The following BRD1 variants were observed in gnomAD, a reference collection of about 807,000 sequenced individuals.
The protein encoded by BRD1 is bromodomain containing 1.
BRD1 carries 24 observed loss-of-function variants against 107.7 expected under a neutral mutation model. The observed-to-expected ratio is 0.22, with a 90% CI of 0.16 to 0.31. BRD1 has a LOEUF of 0.31. BRD1 is among the 10% of genes least tolerant of loss of function. The pLI is 1.00. For synonymous variants in BRD1, 744 were observed against 686.1 expected, an observed-to-expected ratio of 1.08 and a Z score of -1.32; for missense variants, 1,279 against 1,638.6, an observed-to-expected ratio of 0.78 and a Z score of 3.79.
Position 49,823,196 on chromosome 22 carries a change from G to A in BRD1, c.1122C>T (p.Gly374=). ...CGGTCTTTCTGACGGAGAAGGTGGT[G>A]CCACCGCCAGTCAGTTCCTTCACGG... ...MEPVKELTGG[G]TTFSVRKTAY... The change falls in exon 2 of 13, where the codon GGC becomes GGT. Residue 374 remains glycine, a synonymous_variant. Coordinates refer to ENST00000404760, the MANE Select transcript of BRD1 (RefSeq NM_001304808.3). 2 of 1,614,184 alleles carry A rather than the reference G, an allele frequency of 1.2e-6. No homozygotes were observed. The highest frequency in any genetic ancestry group is 8.5e-7 in the Non-Finnish European group (1 of 1,180,036).
chr22:49,780,046 G>C (rs1201290898), intron 8 of BRD1, among the ~76,000 whole-genome samples: 1 of 152,220 alleles, frequency 6.6e-6, no homozygotes, highest in Non-Finnish European at 1.5e-5. Context: ...GGGTGGGGAG[G>C]CTTTTAGTAG....
At chr22:49,775,828 TC>T in intron 11 of BRD1, 83 bp from the exon 12 acceptor site, 1 of 728,868 alleles carries the variant, frequency 1.4e-6, no homozygotes, top group Non-Finnish European at 1.8e-6. Flanking sequence ...CCCCCCCGCC[TC>T]CCCACCCCAG....
rs78921765 is a variant in BRD1 at position 49,794,067 on chromosome 22, C to T, written c.2326G>A (p.Gly776Arg). 3,131 of 1,614,054 alleles carry T rather than the reference C, an allele frequency of 1.9e-3. 71 individuals are homozygous for T. In the African/African-American group the frequency reaches 0.039, roughly 20 times the overall value. The change falls in exon 7 of 13, where the codon GGA becomes AGA. Residue 776 changes from glycine to arginine, a missense_variant. Transcript: ENST00000404760. Reference sequence around the variant, plus strand: ...CCCGCCTCCGGCCCCAGCGCAGCTCCGTCCTCTTCGAAGCCTTCCAAGCCT... The same window carrying T: ...CCCGCCTCCGGCCCCAGCGCAGCTCTGTCCTCTTCGAAGCCTTCCAAGCCT... The part of the protein sequence containing the change: ...GPGLEGFEED[G>R]AALGPEAGEE...
Position 49,774,232 on chromosome 22 carries a change from G to T in BRD1, c.*1C>A. 6.2e-7 allele frequency: 1 copy of T among 1,611,674 alleles called. No homozygotes were observed. Among genetic ancestry groups the T allele is most frequent in the Non-Finnish European group, 8.5e-7 (1 of 1,178,454 alleles). ...CAAGACCCGCGCTGGCGGCCGGGCC[G>T]TCAGTCAATGTCACTGAGGTCGCTG... On this transcript the variant is annotated 3_prime_UTR_variant, in exon 13 of 13. Coordinates refer to ENST00000404760, the MANE Select transcript of BRD1 (RefSeq NM_001304808.3).
intron 8 of BRD1, among the ~76,000 whole-genome samples, chr22:49,782,669 C>T (rs145382272): frequency 0.019 from 2,834 of 149,256 alleles, 77 homozygotes; most frequent in African/African-American, 0.066. Context: ...CACTCCGCGA[C>T]AATGCAGCTG....
chr22:49,818,002 A>C (rs969983051), intron 2 of BRD1, among the ~76,000 whole-genome samples: 2 of 152,202 alleles, frequency 1.3e-5, no homozygotes, highest in Non-Finnish European at 2.9e-5. Flanking sequence ...AGTCACTCTA[A>C]TTTAAATGCA....
chr22:49,818,157 G>C, intron 2 of BRD1: 1 of 990,522 alleles, frequency 1.0e-6, no homozygotes, highest in Non-Finnish European at 1.2e-6. Context: ...ACCCTATCAG[G>C]GTGAAGGCGG....
At chr22:49,819,015 T>C (rs1448515081) in intron 2 of BRD1, among the ~76,000 whole-genome samples, 1 of 152,066 alleles carries the variant, frequency 6.6e-6, no homozygotes, top group Non-Finnish European at 1.5e-5. Flanking sequence ...CTCAGCACTC[T>C]GGGAGGCCAA....
chr22:49,776,286 C>A (rs571434728), intron 10 of BRD1, 127 bp from the exon 11 acceptor site: 2 of 771,046 alleles, frequency 2.6e-6, no homozygotes, highest in Non-Finnish European at 4.3e-6. Context: ...CCTTTCTCAG[C>A]CACCCCGGCA....
chr22:49,801,599 C>T (rs549177444), intron 3 of BRD1, among the ~76,000 whole-genome samples: 6 of 152,370 alleles, frequency 3.9e-5, no homozygotes, highest in Admixed American at 1.3e-4. Flanking sequence ...TGCTCTGCTG[C>T]GGCTCAAGTC....
chr22:49,827,273 C>G (rs1020616886), intron 1 of BRD1, among the ~76,000 whole-genome samples: 5 of 148,714 alleles, frequency 3.4e-5, no homozygotes, highest in African/African-American at 4.9e-5. Flanking sequence ...TCTTCCCGCC[C>G]GTCTCCCCGG....
intron 11 of BRD1, 36 bp from the exon 12 acceptor site, chr22:49,775,781 C>G (rs772105768): frequency 6.4e-7 from 1 of 1,570,220 alleles, no homozygotes; most frequent in South Asian, 1.1e-5. Context: ...CATTGTGAGG[C>G]TCACACCCAT....
intron 8 of BRD1, among the ~76,000 whole-genome samples, chr22:49,784,272 T>A: frequency 7.1e-6 from 1 of 140,778 alleles, no homozygotes; most frequent in Middle Eastern, 4.7e-3. Flanking sequence ...ACAGGGAGAC[T>A]CGCGGCAGGG....
In BRD1 at chr22:49,787,412, G is replaced by T; in HGVS notation, c.2835C>A (p.Ser945=). Residue 945 remains serine (S), a synonymous_variant, in exon 8 of 13, where the codon TCC becomes TCA. Coordinates refer to ENST00000404760, the MANE Select transcript of BRD1 (RefSeq NM_001304808.3). ...TACCTGCGTCCAGGCGCTTTCCTGG[G>T]GACTCCTCCTCCACCTCGGAGTCTC... ...TCGDSEVEEE[S]PGKRLDAGLT... The T allele has an allele frequency of 6.2e-7, 1 of 1,613,624 alleles. No individual in the cohort carries two copies. The highest frequency in any genetic ancestry group is 8.5e-7 in the Non-Finnish European group (1 of 1,179,852).
At chr22:49,791,587 CTAT>C (rs1313150643) in intron 7 of BRD1, among the ~76,000 whole-genome samples, 2 of 152,282 alleles carry the variant, frequency 1.3e-5, no homozygotes, top group East Asian at 3.9e-4. Flanking sequence ...GGTTTTCATC[CTAT>C]TATAAGTATC....
Position 49,783,983 on chromosome 22 carries a change from G to A in BRD1, c.2857+3407C>T, listed in dbSNP as rs965205414. Among the ~76,000 whole-genome samples the A allele has an allele frequency of 6.6e-6, 1 of 152,196 alleles. No individual in the cohort carries two copies. Among genetic ancestry groups the A allele is most frequent in the Non-Finnish European group, 1.5e-5 (1 of 68,034 alleles). Reference sequence around the variant, plus strand: ...CATTAGTGGTTAAAGTGAGAACCTGGAAAACAGTGAAAAAGCCATTTAGTC... The same window carrying A: ...CATTAGTGGTTAAAGTGAGAACCTGAAAAACAGTGAAAAAGCCATTTAGTC... On this transcript the variant is annotated intron_variant, in intron 8 of 12. Transcript: ENST00000404760. This position sits in a 1 kb window ranked among gnomAD's most constrained non-coding sequence, Gnocchi z 4.2.
At chr22:49,776,671 G>A (rs1005916965) in intron 10 of BRD1, among the ~76,000 whole-genome samples, 1 of 152,172 alleles carries the variant, frequency 6.6e-6, no homozygotes, top group African/African-American at 2.4e-5. Context: ...CCCTCCCCCA[G>A]GGGCCTGAAG....
Position 49,823,497 on chromosome 22 carries a change from C to G in BRD1, c.821G>C (p.Cys274Ser). The G allele has an allele frequency of 6.2e-7, 1 of 1,606,286 alleles. No homozygotes were observed. The highest frequency in any genetic ancestry group is 8.5e-7 in the Non-Finnish European group (1 of 1,177,230). ...SRARPADCVL[C>S]PNKGGAFKKT... The stretch of plus-strand genomic sequence containing the variant: ...TTTGAAGGCACCACCCTTGTTGGGG[C>G]ACAGCACACAGTCGGCGGGCCGGGC... Residue 274 changes from cysteine (C) to serine (S), a missense_variant, in exon 2 of 13, where the codon TGC becomes TCC. Cys to Ser is a moderately radical substitution (Grantham distance 112). This residue lies in a region of BRD1 where 158 missense variants were observed against 310.2 expected (regional missense o/e 0.51). Coordinates refer to ENST00000404760, the MANE Select transcript of BRD1 (RefSeq NM_001304808.3).
Position 49,803,684 on chromosome 22 carries a change from C to T in BRD1, c.1524+520G>A, listed in dbSNP as rs762981534. On this transcript the variant is annotated intron_variant, in intron 3 of 12. Transcript: ENST00000404760. This position sits in a 1 kb window ranked among gnomAD's most constrained non-coding sequence, Gnocchi z 4.4. The stretch of plus-strand genomic sequence containing the variant: ...TTCCCTCCCACTCTCTCAGCTCTCT[C>T]GAGCCCTCCCCACCCCACCACAGTC... Among the ~76,000 whole-genome samples, 1 of 152,152 alleles carries T rather than the reference C, an allele frequency of 6.6e-6. No homozygotes were observed. Among genetic ancestry groups the T allele is most frequent in the Non-Finnish European group, 1.5e-5 (1 of 68,030 alleles).
Sources: allele counts gnomAD v4.1 joint callset (sites outside exome capture counted in the v4.1 genomes callset), GRCh38; gene constraint gnomAD v4.1.1; regional missense constraint gnomAD v4.1.1; non-coding constraint Gnocchi (gnomAD v3.1); transcripts MANE v1.5; gene names NCBI Gene and HGNC (gene_info 2026-07-23, HGNC 2026-07-21).